The following MGAT4B variants were observed in gnomAD, a reference collection of about 807,000 sequenced individuals.
MGAT4B encodes N-acetylglucosaminyltransferase IVb.
Under a neutral mutation model 73.9 loss-of-function variants are expected in MGAT4B, and 38 were observed. The ratio of observed to expected loss-of-function variants is 0.51; its 90% CI spans 0.40 to 0.67. MGAT4B has a LOEUF of 0.67. Among genes scored for constraint, MGAT4B ranks in the 30% least tolerant of loss-of-function variants. MGAT4B has a pLI of 0.00. For synonymous variants in MGAT4B, 373 were observed against 313.5 expected, an observed-to-expected ratio of 1.19 and a Z score of -2.01; for missense variants, 686 against 735.2, an observed-to-expected ratio of 0.93 and a Z score of 0.77.
rs1380034241 is a variant in MGAT4B, at chr5:179,806,682, A to T, written c.-99T>A. On this transcript the variant is annotated 5_prime_UTR_variant, in exon 1 of 15. Transcript: ENST00000292591. The surrounding 1 kb of genome is among the most constrained non-coding windows in gnomAD (Gnocchi z 4.6). The stretch of plus-strand genomic sequence containing the variant: ...GTCGGAAGGCGGCGGCGGCGGCGGC[A>T]GGGGCCCCGGCCCCGGGTCGGGGAG... 2.4e-5 allele frequency: 5 copies of T among 208,452 alleles called. No individual in the cohort carries two copies. The highest frequency in any genetic ancestry group is 3.4e-5 in the Non-Finnish European group (5 of 146,212). 12.9% of individuals were successfully genotyped at this position (208,452 alleles called of 1,614,324 possible). A position where few individuals can be genotyped will look rare whatever the true frequency, so the allele number is the denominator to read the frequency against.
At position 179,806,045 on chromosome 5, in the gene MGAT4B, T is replaced by A. The variant is rs1228164795; in HGVS notation, c.97+442A>T. ...GACGCGTTCTGGGCGCCGAAGGGAGTCCCAGGACCGGGTGTCACGCCGGGG... is the reference window on the plus strand; with the variant it reads ...GACGCGTTCTGGGCGCCGAAGGGAGACCCAGGACCGGGTGTCACGCCGGGG... On this transcript the variant is annotated intron_variant, in intron 1 of 14. Coordinates refer to ENST00000292591, the MANE Select transcript of MGAT4B (RefSeq NM_014275.5). The surrounding 1 kb of genome is among the most constrained non-coding windows in gnomAD (Gnocchi z 4.6). 7.1e-6 allele frequency: 1 copy of A among 140,796 alleles called. No individual in the cohort carries two copies. The highest frequency in any genetic ancestry group is 2.6e-5 in the African/African-American group (1 of 38,614). 8.7% of individuals were successfully genotyped at this position (140,796 alleles called of 1,614,324 possible).
Position 179,801,249 on chromosome 5 carries a change from T to C in MGAT4B, c.558+85A>G. 1 of 1,476,456 alleles carries C rather than the reference T, an allele frequency of 6.8e-7. No individual in the cohort carries two copies. 91.5% of individuals were successfully genotyped at this position (1,476,456 alleles called of 1,614,324 possible). On this transcript the variant is annotated intron_variant, in intron 4 of 14. Transcript: ENST00000292591. This position sits in a 1 kb window ranked among gnomAD's most constrained non-coding sequence, Gnocchi z 4.8. ...CTAGCAACTGAACTTCCGACAGCTT[T>C]CTCCTCGGAATGGTTCCTGCTGTCA...
intron 1 of MGAT4B, chr5:179,802,733 TG>T (rs1311685884): frequency 2.0e-6 from 2 of 985,232 alleles, no homozygotes; most frequent in African/African-American, 1.8e-5. Flanking sequence ...AGCACAGAGG[TG>T]GGGCTGCCCG....
intron 1 of MGAT4B, chr5:179,802,877 C>G: frequency 1.0e-6 from 1 of 985,416 alleles, no homozygotes; most frequent in South Asian, 4.7e-5. Flanking sequence ...CTCTGAAAAC[C>G]TATGTGGCCT....
intron 12 of MGAT4B, 34 bp from the exon 13 acceptor site, chr5:179,798,468 C>A: frequency 6.2e-7 from 1 of 1,613,104 alleles, no homozygotes. Context: ...GGCAGGTGGT[C>A]ACAGGAGGCC....
chr5:179,806,479 G>T lies in MGAT4B; in HGVS notation c.97+8C>A, dbSNP rs553253185. 3.5e-5 allele frequency: 45 copies of T among 1,285,782 alleles called. No individual in the cohort carries two copies. In the African/African-American group the frequency reaches 6.3e-4, roughly 18 times the overall value. 79.6% of individuals were successfully genotyped at this position (1,285,782 alleles called of 1,614,324 possible). A position where few individuals can be genotyped will look rare whatever the true frequency, so the allele number is the denominator to read the frequency against. On this transcript the variant is annotated splice_region_variant and intron_variant, in intron 1 of 14. Transcript: ENST00000292591. This position sits in a 1 kb window ranked among gnomAD's most constrained non-coding sequence, Gnocchi z 4.6. Reference sequence around the variant, plus strand: ...GCCAGGTGCGGGCCGGGCGGGGGTCGCGCTCACCTTTCTGGCCGCTGAGTG... The same window carrying T: ...GCCAGGTGCGGGCCGGGCGGGGGTCTCGCTCACCTTTCTGGCCGCTGAGTG...
chr5:179,802,413 G>GCGGT, intron 1 of MGAT4B: 1 of 1,147,254 alleles, frequency 8.7e-7, no homozygotes, highest in Non-Finnish European at 1.1e-6. Context: ...TGTCCTTGTA[G>GCGGT]CGGTCGCTGG....
Position 179,798,185 on chromosome 5 carries a change from C to T in MGAT4B, c.1603G>A (p.Val535Met). ...CTCACCTCGCTCAGAATCACCCACA[C>T]AGGGGAGTCCGTCTGGATCGAGAGG... Reference protein sequence around the residue: ...LRLSIQTDSPVWVILSEIFLK... With the variant: ...LRLSIQTDSPMWVILSEIFLK... The change falls in exon 14 of 15, where the codon GTG becomes ATG. Residue 535 changes from valine to methionine, a missense_variant. Val to Met is a conservative substitution (Grantham distance 21). Around this residue, in one of 2 missense-constraint regions of MGAT4B, gnomAD observed 449 missense variants for 536.8 expected, o/e 0.84. Coordinates refer to ENST00000292591, the MANE Select transcript of MGAT4B (RefSeq NM_014275.5). The T allele has an allele frequency of 1.9e-6, 3 of 1,596,326 alleles. No individual in the cohort carries two copies. The highest frequency in any genetic ancestry group is 2.6e-6 in the Non-Finnish European group (3 of 1,170,594).
chr5:179,798,476 G>A, intron 12 of MGAT4B, 37 bp downstream of exon 12: 1 of 1,613,114 alleles, frequency 6.2e-7, no homozygotes. Context: ...GTCACAGGAG[G>A]CCCGGCTTCA....
intron 5 of MGAT4B, 38 bp from the exon 6 acceptor site, chr5:179,800,635 A>T: frequency 7.2e-7 from 1 of 1,382,108 alleles, no homozygotes; most frequent in Non-Finnish European, 1.0e-6. Context: ...TGCAGCCTCC[A>T]GGGGCTGAGA....
At position 179,804,383 on chromosome 5, in the gene MGAT4B, G is replaced by A. The variant is rs139958719; in HGVS notation, c.97+2104C>T. ...TGCTGAAGTCCAGGCCTGGGGAGGCGGACAGCCTGAAGGCTGGGAGCGCTG... is the reference window on the plus strand; with the variant it reads ...TGCTGAAGTCCAGGCCTGGGGAGGCAGACAGCCTGAAGGCTGGGAGCGCTG... On this transcript the variant is annotated intron_variant, in intron 1 of 14. Transcript: ENST00000292591. 7.2e-5 allele frequency among the ~76,000 whole-genome samples: 11 copies of A among 152,318 alleles called. No individual in the cohort carries two copies. In the East Asian group the frequency reaches 9.6e-4, roughly 13 times the overall value.
At chr5:179,800,820 T>G in intron 5 of MGAT4B, 87 bp downstream of exon 5, 2 of 1,432,122 alleles carry the variant, frequency 1.4e-6, no homozygotes, top group Non-Finnish European at 1.9e-6. Context: ...GGAAAGGCAC[T>G]ATCTCATGGG....
intron 1 of MGAT4B, chr5:179,802,468 G>C: frequency 9.6e-7 from 1 of 1,041,180 alleles, no homozygotes; most frequent in Non-Finnish European, 1.2e-6. Context: ...TGGCCCCGGG[G>C]GGTGGCTGCT....
Position 179,806,317 on chromosome 5 carries a change from C to G in MGAT4B, c.97+170G>C. The G allele has an allele frequency of 4.5e-6, 1 of 220,074 alleles. No homozygotes were observed. Among genetic ancestry groups the G allele is most frequent in the Non-Finnish European group, 8.1e-6 (1 of 122,976 alleles). 13.6% of individuals were successfully genotyped at this position (220,074 alleles called of 1,614,324 possible). The stretch of plus-strand genomic sequence containing the variant: ...CCCGGGCCCGAGGAGAACGCCGCGG[C>G]TCCAGCAGCAAACAAGTGGGGGAGG... On this transcript the variant is annotated intron_variant, in intron 1 of 14. Coordinates refer to ENST00000292591, the MANE Select transcript of MGAT4B (RefSeq NM_014275.5). This position sits in a 1 kb window ranked among gnomAD's most constrained non-coding sequence, Gnocchi z 4.6.
intron 11 of MGAT4B, 80 bp downstream of exon 11, chr5:179,798,848 G>T: frequency 6.6e-7 from 1 of 1,517,182 alleles, no homozygotes; most frequent in Non-Finnish European, 9.0e-7. Flanking sequence ...AAGAACGTGA[G>T]GATAACTTGC....
At chr5:179,802,041 C>G in intron 1 of MGAT4B, 72 bp from the exon 2 acceptor site, 4 of 1,611,014 alleles carry the variant, frequency 2.5e-6, no homozygotes, top group Admixed American at 3.3e-5. Context: ...AGTGTGCCAG[C>G]GCACACATCT....
intron 8 of MGAT4B, 121 bp from the exon 9 acceptor site, chr5:179,799,757 G>T (rs920713129): frequency 3.6e-5 from 52 of 1,454,398 alleles, no homozygotes; most frequent in Non-Finnish European, 4.5e-5. Flanking sequence ...GCATAACGGG[G>T]CAGGGAGGCA....
Position 179,806,518 on chromosome 5 carries a change from C to G in MGAT4B, c.66G>C (p.Leu22=). The change falls in exon 1 of 15, where the codon CTG becomes CTC. Residue 22 remains leucine (L), a synonymous_variant. Transcript: ENST00000292591. This position sits in a 1 kb window ranked among gnomAD's most constrained non-coding sequence, Gnocchi z 4.6. ...LLFCLCAFLS[L]SWYAALSGQK... ...GGCCGCTGAGTGCCGCGTACCAGGA[C>G]AGCGAGAGGAAGGCGCACAGGCAGA... 3 of 1,338,946 alleles carry G rather than the reference C, an allele frequency of 2.2e-6. No individual in the cohort carries two copies. The highest frequency in any genetic ancestry group is 2.8e-5 in the South Asian group (2 of 70,824). The allele number at this position is 1,338,946 out of a possible 1,614,324, so 82.9% of individuals were successfully genotyped here. A position where few individuals can be genotyped will look rare whatever the true frequency, so the allele number is the denominator to read the frequency against.
chr5:179,804,242 G>A (rs1351228857), intron 1 of MGAT4B, among the ~76,000 whole-genome samples: 2 of 152,248 alleles, frequency 1.3e-5, no homozygotes, highest in Non-Finnish European at 2.9e-5. Flanking sequence ...CAGGCTCAGA[G>A]GGGCATAGGC....
Sources: gnomAD v4.1 joint callset for allele counts (sites outside exome capture counted in the v4.1 genomes callset) on GRCh38, gnomAD v4.1.1 for gene constraint, gnomAD v4.1.1 regional missense constraint, Gnocchi (gnomAD v3.1) non-coding constraint, MANE v1.5 for transcripts, NCBI Gene and HGNC (gene_info 2026-07-23, HGNC 2026-07-21) for gene names.